KRT78: variants seen among roughly 807,000 people sequenced by gnomAD.
KRT78 encodes the protein keratin 78.
In KRT78, 55 loss-of-function variants were observed where a neutral mutation model predicts 51.4. The observed-to-expected ratio is 1.07, with a 90% CI of 0.86 to 1.34. KRT78 has a LOEUF of 1.34. KRT78 is among the 40% of genes most tolerant of loss of function. The pLI is 0.00. For synonymous variants in KRT78, 291 were observed against 264.3 expected (o/e 1.10, Z -0.98); for missense variants, 652 against 649.4 (o/e 1.00, Z -0.04).
intron 6 of KRT78, among the ~76,000 whole-genome samples, chr12:52,843,157 A>G (rs1187008084): frequency 6.6e-6 from 1 of 150,584 alleles, no homozygotes; most frequent in Non-Finnish European, 1.5e-5. Flanking sequence ...ACTTGAGGTC[A>G]GGAGTTTGAG....
At chr12:52,846,439 C>T (rs1218851555) in intron 3 of KRT78, 147 bp from the exon 4 acceptor site, 8 of 671,118 alleles carry the variant, frequency 1.2e-5, no homozygotes, top group Non-Finnish European at 2.2e-5. Context: ...CCCACTCTGT[C>T]CTGCTCTCTC....
At chr12:52,840,244 C>G (rs1940461623) in intron 6 of KRT78, among the ~76,000 whole-genome samples, 1 of 152,044 alleles carries the variant, frequency 6.6e-6, no homozygotes, top group Non-Finnish European at 1.5e-5. Context: ...CCCAGAACCC[C>G]AGAATGTGAT....
At chr12:52,846,702 G>T in intron 3 of KRT78, 62 bp downstream of exon 3, 5 of 1,412,784 alleles carry the variant, frequency 3.5e-6, no homozygotes, top group Non-Finnish European at 5.0e-6. Context: ...CCCAGCCTAG[G>T]ACTAGGCTCC....
chr12:52,848,278 C>A, intron 1 of KRT78, 157 bp from the exon 2 acceptor site: 1 of 1,538,732 alleles, frequency 6.5e-7, no homozygotes, highest in Non-Finnish European at 8.7e-7. Flanking sequence ...CCATGACACT[C>A]TGAACACAAC....
intron 6 of KRT78, among the ~76,000 whole-genome samples, chr12:52,841,478 C>A (rs1345349261): frequency 6.9e-6 from 1 of 144,200 alleles, no homozygotes; most frequent in African/African-American, 2.7e-5. Context: ...CAGAGTGAGA[C>A]TCCTTCTCAA....
At chr12:52,845,852 G>A (rs901755329) in intron 4 of KRT78, 3 of 241,360 alleles carry the variant, frequency 1.2e-5, no homozygotes, top group Non-Finnish European at 2.4e-5. Flanking sequence ...TACTTGGGAA[G>A]CTGAGGCAGA....
intron 5 of KRT78, 107 bp downstream of exon 5, chr12:52,844,452 A>G: frequency 8.0e-6 from 9 of 1,118,340 alleles, no homozygotes; most frequent in Admixed American, 2.2e-5. Flanking sequence ...ACCTTCAGGG[A>G]GGTAACTGGA....
chr12:52,847,286 A>G (rs7306432), intron 2 of KRT78, among the ~76,000 whole-genome samples: 19,383 of 152,122 alleles, frequency 0.13, 3,352 homozygotes, highest in African/African-American at 0.39. Context: ...AGGGCAGGTG[A>G]CATTTCCCAA....
rs1940403444 is a variant in KRT78, at chr12:52,838,759, T to G, written c.*354A>C. ...AAGCACAGCTAAAACATCAGTGGAG[T>G]TGTGGGAGATGGAGGGCACCCCAAG... is the stretch of plus-strand genomic sequence containing the variant. On this transcript the variant is annotated 3_prime_UTR_variant, in exon 9 of 9. Coordinates refer to ENST00000304620, the MANE Select transcript of KRT78 (RefSeq NM_173352.4). 2.5e-5 allele frequency: 7 copies of G among 274,682 alleles called. No individual in the cohort carries two copies. Among genetic ancestry groups the G allele is most frequent in the East Asian group, 8.2e-5 (1 of 12,250 alleles). 17.0% of individuals were successfully genotyped at this position (274,682 alleles called of 1,614,324 possible).
rs186935996 is a variant in KRT78 at position 52,839,792 on chromosome 12, G to A, written c.1240C>T (p.Arg414Cys). 10 of 1,613,952 alleles carry A rather than the reference G, an allele frequency of 6.2e-6. No homozygotes were observed. In the African/African-American group the frequency reaches 8.0e-5, roughly 13 times the overall value. ...CACTCCTCGCCCTCCAGCAGCCTGCGGTAAGTGGCAATCTCCACATCCAGG... is the reference window on the plus strand; with the variant it reads ...CACTCCTCGCCCTCCAGCAGCCTGCAGTAAGTGGCAATCTCCACATCCAGG... ...LSLDVEIATY[R>C]RLLEGEECRM... Residue 414 changes from arginine to cysteine, a missense_variant, in exon 7 of 9, where the codon CGC becomes TGC. By Grantham distance (180) the Arg-to-Cys change is radical. Transcript: ENST00000304620.
At chr12:52,846,388 A>C in intron 3 of KRT78, 96 bp from the exon 4 acceptor site, 1 of 795,136 alleles carries the variant, frequency 1.3e-6, no homozygotes, top group Admixed American at 1.8e-5. Context: ...CTCAACACCC[A>C]TCCACCATGC....
At position 52,848,025 on chromosome 12, in the gene KRT78, C is replaced by G; in HGVS notation, c.481G>C (p.Val161Leu). ...AGCTGATCCAGGCAGGCCTCAAAGACAGGCTCCAGGCCCTGCTGGCTGCCA... is the reference window on the plus strand; with the variant it reads ...AGCTGATCCAGGCAGGCCTCAAAGAGAGGCTCCAGGCCCTGCTGGCTGCCA... ...LSGSQQGLEP[V>L]FEACLDQLRK... The change falls in exon 2 of 9, where the codon GTC becomes CTC. Residue 161 changes from valine (V) to leucine (L), a missense_variant. Coordinates refer to ENST00000304620, the MANE Select transcript of KRT78 (RefSeq NM_173352.4). The G allele has an allele frequency of 6.2e-7, 1 of 1,614,214 alleles. No homozygotes were observed. The highest frequency in any genetic ancestry group is 8.5e-7 in the Non-Finnish European group (1 of 1,180,024).
At chr12:52,846,411 C>T (rs1592146730) in intron 3 of KRT78, 119 bp from the exon 4 acceptor site, 3 of 717,146 alleles carry the variant, frequency 4.2e-6, no homozygotes, top group South Asian at 3.1e-5. Flanking sequence ...CCCAAGACCC[C>T]CTCCTTCCTC....
intron 4 of KRT78, among the ~76,000 whole-genome samples, chr12:52,845,003 T>C (rs1940608173): frequency 6.7e-6 from 1 of 150,344 alleles, no homozygotes; most frequent in Admixed American, 6.6e-5. Context: ...TCAGGCCTCT[T>C]TTTTTTTTCT....
intron 6 of KRT78, among the ~76,000 whole-genome samples, 185 bp downstream of exon 6, chr12:52,843,908 C>T (rs1044676154): frequency 2.0e-5 from 3 of 152,102 alleles, no homozygotes; most frequent in Admixed American, 6.6e-5. Context: ...AGCAGGAAGG[C>T]TGAATTCACC....
chr12:52,845,145 A>T (rs969634294), intron 4 of KRT78, among the ~76,000 whole-genome samples: 1 of 151,222 alleles, frequency 6.6e-6, no homozygotes, highest in South Asian at 2.1e-4. Flanking sequence ...CCTCCCTAGT[A>T]GCTGGGATTA....
At chr12:52,844,888 T>G (rs1423102680) in intron 4 of KRT78, among the ~76,000 whole-genome samples, 165 bp from the exon 5 acceptor site, 1 of 152,066 alleles carries the variant, frequency 6.6e-6, no homozygotes, top group Non-Finnish European at 1.5e-5. Flanking sequence ...GATCTCCTCA[T>G]TCAAAAATGA....
At chr12:52,846,087 TA>T in intron 4 of KRT78, 109 bp downstream of exon 4, 1 of 695,718 alleles carries the variant, frequency 1.4e-6, no homozygotes, top group Non-Finnish European at 2.5e-6. Flanking sequence ...ACCCAGAATC[TA>T]AGCCACCCTA....
intron 6 of KRT78, 69 bp from the exon 7 acceptor site, chr12:52,840,053 G>A: frequency 8.9e-6 from 10 of 1,119,588 alleles, no homozygotes; most frequent in South Asian, 1.4e-5. Context: ...AGCACCCACT[G>A]TGGATATCAC....
Sources: allele counts gnomAD v4.1 joint callset (sites outside exome capture counted in the v4.1 genomes callset), GRCh38; gene constraint gnomAD v4.1.1; transcripts MANE v1.5; gene names NCBI Gene and HGNC (gene_info 2026-07-23, HGNC 2026-07-21).